Variants in COL9A1 observed in about 807,000 individuals in gnomAD.
The protein encoded by COL9A1 is collagen alpha-1(IX) chain.
In COL9A1, 104 loss-of-function variants were observed where a neutral mutation model predicts 142.6. That is an observed-to-expected ratio of 0.73 (90% confidence interval 0.62 to 0.86). The LOEUF (loss-of-function observed/expected upper bound fraction) is 0.86, where lower values mean the gene tolerates loss of function less well. Ranked by LOEUF, COL9A1 falls within the 40% of genes least tolerant of loss-of-function variation. The probability of loss-of-function intolerance (pLI) is 0.00; values close to 1 mark genes in which losing one functional copy is unlikely to be tolerated. For missense variants in COL9A1, 1,210 were observed against 1,176.6 expected, an observed-to-expected ratio of 1.03 and a Z score of -0.42; for synonymous variants, 466 against 396.0, an observed-to-expected ratio of 1.18 and a Z score of -2.10.
intron 26 of COL9A1, among the ~76,000 whole-genome samples, chr6:70,252,895 T>C (rs865933680): frequency 3.3e-5 from 5 of 152,296 alleles, no homozygotes; most frequent in Middle Eastern, 3.4e-3. Context: ...TTATTCACCT[T>C]TTATCTCTTT....
intron 18 of COL9A1, 85 bp downstream of exon 18, chr6:70,266,632 T>C (rs930775911): frequency 3.9e-5 from 43 of 1,099,882 alleles, no homozygotes; most frequent in Middle Eastern, 3.9e-4. Flanking sequence ...AGGTTCATTA[T>C]TTCCTATAAT....
intron 4 of COL9A1, among the ~76,000 whole-genome samples, chr6:70,296,988 T>G (rs955193153): frequency 3.3e-5 from 5 of 152,102 alleles, no homozygotes; most frequent in African/African-American, 1.2e-4. Context: ...TTTAATCAGT[T>G]TCCTTTAAAA....
At chr6:70,242,628 G>A (rs749511958) in intron 29 of COL9A1, 34 bp downstream of exon 29, 4 of 1,588,700 alleles carry the variant, frequency 2.5e-6, no homozygotes, top group South Asian at 2.2e-5. Flanking sequence ...ATTGTGTTTC[G>A]TAGAAGGCAA....
intron 36 of COL9A1, among the ~76,000 whole-genome samples, chr6:70,230,802 A>G (rs1289649180): frequency 6.6e-6 from 1 of 152,212 alleles, no homozygotes; most frequent in African/African-American, 2.4e-5. Flanking sequence ...TGGGATCCAG[A>G]TATCAGTGGT....
chr6:70,249,227 T>C (rs898546200), intron 28 of COL9A1, among the ~76,000 whole-genome samples: 2 of 150,734 alleles, frequency 1.3e-5, no homozygotes, highest in Non-Finnish European at 3.0e-5. Context: ...ACTTTGGAAA[T>C]ACCAATACAG....
chr6:70,302,721 G>A (rs1485841509), intron 1 of COL9A1, among the ~76,000 whole-genome samples, 190 bp downstream of exon 1: 1 of 151,358 alleles, frequency 6.6e-6, no homozygotes, highest in Admixed American at 6.6e-5. Flanking sequence ...GTCTGTCTTC[G>A]GTTTTTTGTG....
At chr6:70,254,403 T>C (rs371985131) in intron 25 of COL9A1, 73 bp downstream of exon 25, 10 of 1,376,146 alleles carry the variant, frequency 7.3e-6, no homozygotes, top group Middle Eastern at 1.8e-4. Flanking sequence ...TTAGGTAGCA[T>C]GTCTCTCCCC....
chr6:70,288,225 A>G (rs1478682735), intron 5 of COL9A1, among the ~76,000 whole-genome samples: 1 of 152,166 alleles, frequency 6.6e-6, no homozygotes, highest in Admixed American at 6.5e-5. Context: ...GCCTAAAGTA[A>G]TGGTGTCATC....
At chr6:70,273,952 TA>T in intron 12 of COL9A1, 94 bp downstream of exon 12, 1 of 600,026 alleles carries the variant, frequency 1.7e-6, no homozygotes, top group Non-Finnish European at 2.4e-6. Flanking sequence ...AATAAATAAA[TA>T]AATAAATAAA....
At chr6:70,254,297 A>G (rs1163054108) in intron 25 of COL9A1, among the ~76,000 whole-genome samples, 179 bp downstream of exon 25, 2 of 152,256 alleles carry the variant, frequency 1.3e-5, no homozygotes, top group African/African-American at 4.8e-5. Context: ...TATTACACAA[A>G]TAGCTATTCA....
In COL9A1 at chr6:70,261,554, T is replaced by C. The variant is rs141618234; in HGVS notation, c.1396-844A>G. Among the ~76,000 whole-genome samples the C allele has an allele frequency of 2.2e-3, 330 of 152,336 alleles. 1 individual carries two copies. The highest frequency in any genetic ancestry group is 7.7e-3 in the African/African-American group (320 of 41,568). On this transcript the variant is annotated intron_variant, in intron 19 of 37. Coordinates refer to ENST00000357250, the MANE Select transcript of COL9A1 (RefSeq NM_001851.6). ...GGAGCTCTAGGCCAGCATTTCCCTC[T>C]TCTTCTCACTTAGAGAAAATGGGGC...
At chr6:70,301,122 A>G (rs142883894) in intron 2 of COL9A1, among the ~76,000 whole-genome samples, 49 of 152,336 alleles carry the variant, frequency 3.2e-4, no homozygotes, top group African/African-American at 1.1e-3. Context: ...ATAAGAAATC[A>G]TAGAATGGAA....
chr6:70,256,557 A>C (rs953268537), intron 21 of COL9A1, among the ~76,000 whole-genome samples: 1 of 152,178 alleles, frequency 6.6e-6, no homozygotes, highest in Non-Finnish European at 1.5e-5. Context: ...GGCTTAATCT[A>C]TGAAGAAAAA....
chr6:70,240,578 AAT>A lies in COL9A1; in HGVS notation c.2079+109_2079+110del, dbSNP rs57686729. 208,949 of 466,140 alleles carry A rather than the reference AAT, an allele frequency of 0.45. 41,696 individuals are homozygous for A. The highest frequency in any genetic ancestry group is 0.47 in the African/African-American group (22,195 of 47,040). The allele number at this position is 466,140 out of a possible 1,614,324, so 28.9% of individuals were successfully genotyped here. A position where few individuals can be genotyped will look rare whatever the true frequency, so the allele number is the denominator to read the frequency against. On this transcript the variant is annotated intron_variant, in intron 32 of 37. Coordinates refer to ENST00000357250, the MANE Select transcript of COL9A1 (RefSeq NM_001851.6). ...AGGATAACAGTGTCCAGAAAATAAG[AAT>A]ATATATATATATATACCAATTTTGA...
At chr6:70,278,492 T>G (rs1040682852) in intron 10 of COL9A1, among the ~76,000 whole-genome samples, 7 of 152,252 alleles carry the variant, frequency 4.6e-5, no homozygotes, top group African/African-American at 1.7e-4. Flanking sequence ...GAAAAAGTTC[T>G]GTGTAAATGC....
rs760892547 is a variant in COL9A1, at chr6:70,254,549, C to A, written c.1666-20G>T. On this transcript the variant is annotated intron_variant, in intron 24 of 37. Coordinates refer to ENST00000357250, the MANE Select transcript of COL9A1 (RefSeq NM_001851.6). ...TTCACCCTGCAAAAAAAGCTTTTATCACATGATTGAACCTGTATGAGCTGC... is the reference window on the plus strand; with the variant it reads ...TTCACCCTGCAAAAAAAGCTTTTATAACATGATTGAACCTGTATGAGCTGC... 1.2e-6 allele frequency: 2 copies of A among 1,613,360 alleles called. No individual in the cohort carries two copies. Among genetic ancestry groups the A allele is most frequent in the South Asian group, 1.1e-5 (1 of 91,062 alleles).
chr6:70,293,631 TCACACACA>T (rs3222430), intron 5 of COL9A1, among the ~76,000 whole-genome samples: 15,312 of 137,758 alleles, frequency 0.11, 920 homozygotes, highest in South Asian at 0.19. Context: ...TCTCTCTCTT[TCACACACA>T]CACACACACA....
chr6:70,225,213 G>C (rs1734220918), intron 37 of COL9A1, among the ~76,000 whole-genome samples: 1 of 152,132 alleles, frequency 6.6e-6, no homozygotes, highest in South Asian at 2.1e-4. Context: ...AAACTGAACT[G>C]GCTTTTGGCC....
At chr6:70,222,045 G>A (rs1193448234) in intron 37 of COL9A1, among the ~76,000 whole-genome samples, 2 of 152,198 alleles carry the variant, frequency 1.3e-5, no homozygotes, top group Middle Eastern at 3.2e-3. Flanking sequence ...TGATTAGACA[G>A]CCAGCCAATC....
Sources: gnomAD v4.1 joint callset for allele counts (sites outside exome capture counted in the v4.1 genomes callset) on GRCh38, gnomAD v4.1.1 for gene constraint, MANE v1.5 for transcripts, NCBI Gene and HGNC (gene_info 2026-07-23, HGNC 2026-07-21) for gene names.